ERBB4: variants seen among roughly 807,000 people sequenced by gnomAD.
ERBB4 encodes receptor tyrosine-protein kinase erbB-4.
ERBB4 carries 42 observed loss-of-function variants against 158.0 expected under a neutral mutation model. The observed-to-expected ratio is 0.27, with a 90% CI of 0.21 to 0.34. The LOEUF is 0.34. Among genes scored for constraint, ERBB4 ranks in the 10% least tolerant of loss-of-function variants. The probability of loss-of-function intolerance (pLI) is 1.00; values close to 1 mark genes in which losing one functional copy is unlikely to be tolerated. For missense variants in ERBB4, 1,333 were observed against 1,624.1 expected (o/e 0.82, Z 3.08); for synonymous variants, 583 against 558.7 (o/e 1.04, Z -0.61).
chr2:212,315,412 C>A (rs749061995), intron 1 of ERBB4, among the ~76,000 whole-genome samples: 18 of 151,382 alleles, frequency 1.2e-4, no homozygotes, highest in Non-Finnish European at 2.2e-4. Context: ...CAAGTATACA[C>A]AAATGTTTAC....
At chr2:212,141,177 C>A (rs572260431) in intron 1 of ERBB4, among the ~76,000 whole-genome samples, 1 of 151,792 alleles carries the variant, frequency 6.6e-6, no homozygotes, top group Admixed American at 6.6e-5. Context: ...AGACACATTA[C>A]CTTTTATAAA....
intron 1 of ERBB4, among the ~76,000 whole-genome samples, chr2:212,158,269 T>C (rs1003734073): frequency 2.0e-5 from 3 of 152,022 alleles, no homozygotes; most frequent in Non-Finnish European, 2.9e-5. Context: ...AGCTTTTTAC[T>C]ATATAAATCA....
intron 2 of ERBB4, among the ~76,000 whole-genome samples, chr2:212,098,797 G>T (rs1575628935): frequency 6.6e-6 from 1 of 152,112 alleles, no homozygotes; most frequent in Admixed American, 6.5e-5. Flanking sequence ...TTTAAATAAG[G>T]CTTACTCTTG....
At chr2:211,544,458 C>A (rs2066891660) in intron 20 of ERBB4, among the ~76,000 whole-genome samples, 1 of 151,966 alleles carries the variant, frequency 6.6e-6, no homozygotes, top group East Asian at 1.9e-4. Context: ...AGAGACGTAG[C>A]CTGTGGAAAC....
At chr2:211,691,600 GTGTATA>G (rs955281640) in intron 12 of ERBB4, among the ~76,000 whole-genome samples, 12 of 143,666 alleles carry the variant, frequency 8.4e-5, no homozygotes, top group Non-Finnish European at 1.6e-4. Context: ...GTGTGTGTGT[GTGTATA>G]TATATAACAG....
chr2:211,696,449 T>C (rs575821474), intron 12 of ERBB4, among the ~76,000 whole-genome samples: 1 of 152,028 alleles, frequency 6.6e-6, no homozygotes, highest in Non-Finnish European at 1.5e-5. Context: ...TTCAATGAGG[T>C]GAATACTATT....
Position 212,466,730 on chromosome 2 carries a change from G to C in ERBB4, c.82+71719C>G, listed in dbSNP as rs988962765. On this transcript the variant is annotated intron_variant, in intron 1 of 27. Transcript: ENST00000342788. ...CTAATGCAGTACATTGGTACCAGTA[G>C]AGTGGGGCACTGCAGAAAAGATACC... is the stretch of plus-strand genomic sequence containing the variant. Among the ~76,000 whole-genome samples the C allele has an allele frequency of 2.0e-5, 3 of 152,218 alleles. No individual in the cohort carries two copies. In the South Asian group the frequency reaches 6.2e-4, roughly 31 times the overall value.
Position 212,081,739 on chromosome 2 carries a change from C to A in ERBB4, c.234+43013G>T, listed in dbSNP as rs540429682. ...CACCGACTGTAGCTGATTCCATAAA[C>A]ATTTGCCCCCTTTGTGTTCTTGAAG... is the stretch of plus-strand genomic sequence containing the variant. On this transcript the variant is annotated intron_variant, in intron 2 of 27. Coordinates refer to ENST00000342788, the MANE Select transcript of ERBB4 (RefSeq NM_005235.3). 2.6e-5 allele frequency among the ~76,000 whole-genome samples: 4 copies of A among 152,186 alleles called. No homozygotes were observed. In the East Asian group the frequency reaches 7.7e-4, roughly 29 times the overall value.
chr2:212,133,028 C>A (rs1272322079), intron 1 of ERBB4, among the ~76,000 whole-genome samples: 1 of 152,084 alleles, frequency 6.6e-6, no homozygotes, highest in African/African-American at 2.4e-5. Flanking sequence ...TGCACTAACT[C>A]CTTCCTTGGG....
intron 3 of ERBB4, among the ~76,000 whole-genome samples, chr2:211,822,119 A>G (rs1475948297): frequency 6.6e-6 from 1 of 151,972 alleles, no homozygotes; most frequent in East Asian, 1.9e-4. Context: ...AGTAAAAAGT[A>G]GAAAAGAAGA....
chr2:212,475,818 C>G (rs1364303253), intron 1 of ERBB4, among the ~76,000 whole-genome samples: 1 of 151,700 alleles, frequency 6.6e-6, no homozygotes, highest in Non-Finnish European at 1.5e-5. Flanking sequence ...AATTGTATTA[C>G]CAATTCTATA....
chr2:212,036,998 G>A (rs2077030271), intron 2 of ERBB4, among the ~76,000 whole-genome samples: 1 of 152,104 alleles, frequency 6.6e-6, no homozygotes, highest in Admixed American at 6.5e-5. Flanking sequence ...CTATTTCTAG[G>A]CAAAAGAAAT....
intron 1 of ERBB4, among the ~76,000 whole-genome samples, chr2:212,311,042 C>T (rs1689017853): frequency 6.6e-6 from 1 of 150,768 alleles, no homozygotes; most frequent in African/African-American, 2.4e-5. Context: ...ACAGTGACTT[C>T]TGTACTAGAA....
chr2:211,393,117 G>C (rs796916646), intron 25 of ERBB4, among the ~76,000 whole-genome samples: 7 of 152,246 alleles, frequency 4.6e-5, no homozygotes, highest in African/African-American at 1.7e-4. Flanking sequence ...TGGAAATGCT[G>C]TCTTTTATAA....
chr2:212,502,126 A>T (rs1227336006), intron 1 of ERBB4, among the ~76,000 whole-genome samples: 1 of 152,108 alleles, frequency 6.6e-6, no homozygotes, highest in Non-Finnish European at 1.5e-5. Flanking sequence ...ATCCCAGGAC[A>T]TTAAAGTACA....
chr2:212,527,829 A>G lies in ERBB4; in HGVS notation c.82+10620T>C, dbSNP rs556067686. On this transcript the variant is annotated intron_variant, in intron 1 of 27. Coordinates refer to ENST00000342788, the MANE Select transcript of ERBB4 (RefSeq NM_005235.3). ...TAACTTGTCATTTAGCATTAGGTAT[A>G]TCTCCTAATGCTATCCCTCCCCCCT... 5.5e-3 allele frequency among the ~76,000 whole-genome samples: 806 copies of G among 147,600 alleles called. 7 individuals are homozygous for G. Among genetic ancestry groups the G allele is most frequent in the African/African-American group, 0.018 (732 of 40,320 alleles).
chr2:212,212,418 G>A (rs766896256), intron 1 of ERBB4, among the ~76,000 whole-genome samples: 4 of 151,718 alleles, frequency 2.6e-5, no homozygotes, highest in African/African-American at 4.8e-5. Context: ...AAGAAAGGAC[G>A]CAGACAAATG....
intron 3 of ERBB4, among the ~76,000 whole-genome samples, chr2:211,865,507 G>T (rs1396900509): frequency 3.3e-5 from 5 of 151,820 alleles, no homozygotes; most frequent in African/African-American, 1.2e-4. Flanking sequence ...TTTTTCTTGA[G>T]ACGGAGTTTC....
intron 3 of ERBB4, among the ~76,000 whole-genome samples, chr2:211,846,439 C>A (rs1295956483): frequency 6.6e-6 from 1 of 152,052 alleles, no homozygotes; most frequent in Non-Finnish European, 1.5e-5. Flanking sequence ...CAATATTTTT[C>A]CACTCTGTAA....
Sources: allele counts gnomAD v4.1 joint callset (sites outside exome capture counted in the v4.1 genomes callset), GRCh38; gene constraint gnomAD v4.1.1; transcripts MANE v1.5; gene names NCBI Gene and HGNC (gene_info 2026-07-23, HGNC 2026-07-21).